CTNNA2: variants seen among roughly 807,000 people sequenced by gnomAD.
CTNNA2 encodes catenin alpha-2.
A neutral mutation model predicts 101.0 loss-of-function variants in CTNNA2; 42 were observed. The observed-to-expected ratio is 0.42, with a 90% CI of 0.32 to 0.54. CTNNA2 has a LOEUF of 0.54. Among genes scored for constraint, CTNNA2 ranks in the 20% least tolerant of loss-of-function variants. The pLI, the probability that CTNNA2 is intolerant of heterozygous loss-of-function variation, is 0.14. For missense variants in CTNNA2, 871 were observed against 1,223.1 expected (o/e 0.71, Z 4.29); for synonymous variants, 450 against 456.4 (o/e 0.99, Z 0.18).
chr2:79,935,473 G>T (rs1412093879), intron 7 of CTNNA2, among the ~76,000 whole-genome samples: 1 of 151,116 alleles, frequency 6.6e-6, no homozygotes, highest in African/African-American at 2.4e-5. Context: ...CCCTATTTTT[G>T]ACCCCACACT....
intron 7 of CTNNA2, among the ~76,000 whole-genome samples, chr2:80,275,478 T>A (rs1673829204): frequency 6.6e-6 from 1 of 152,236 alleles, no homozygotes. Context: ...ATGATTTTTT[T>A]ATTATTGCAG....
intron 7 of CTNNA2, among the ~76,000 whole-genome samples, chr2:80,218,326 A>G (rs1708388568): frequency 6.6e-6 from 1 of 152,238 alleles, no homozygotes; most frequent in Non-Finnish European, 1.5e-5. Context: ...TCAATCAACA[A>G]GGTGACAGCT....
chr2:79,678,765 T>G lies in CTNNA2; in HGVS notation c.102+27107T>G, dbSNP rs973815961. 2.0e-5 allele frequency among the ~76,000 whole-genome samples: 3 copies of G among 152,292 alleles called. No homozygotes were observed. The East Asian group carries it at 5.8e-4, about 29-fold the overall frequency. Reference sequence around the variant, plus strand: ...AGACAGAATTGTGGCCTCAGTGATCTTGGAGTCTCGTTGAATAGCATTCTC... The same window carrying G: ...AGACAGAATTGTGGCCTCAGTGATCGTGGAGTCTCGTTGAATAGCATTCTC... On this transcript the variant is annotated intron_variant, in intron 2 of 18. Coordinates refer to ENST00000402739, the MANE Select transcript of CTNNA2 (RefSeq NM_001282597.3).
intron 2 of CTNNA2, among the ~76,000 whole-genome samples, chr2:79,692,527 A>G (rs1684372336): frequency 1.3e-5 from 2 of 151,666 alleles, no homozygotes; most frequent in Non-Finnish European, 3.0e-5. Flanking sequence ...TGGGATTGGT[A>G]AATTACAAAG....
chr2:79,840,426 A>G (rs772192355), intron 3 of CTNNA2, among the ~76,000 whole-genome samples: 1 of 152,108 alleles, frequency 6.6e-6, no homozygotes, highest in Non-Finnish European at 1.5e-5. Context: ...CAATCATGCT[A>G]ATTTCTTTTT....
intron 7 of CTNNA2, among the ~76,000 whole-genome samples, chr2:80,037,681 T>C (rs1695758987): frequency 6.6e-6 from 1 of 152,170 alleles, no homozygotes; most frequent in African/African-American, 2.4e-5. Flanking sequence ...AGATAGTGTA[T>C]ATACAAAAAT....
chr2:80,499,633 G>T (rs1370171588), intron 9 of CTNNA2, among the ~76,000 whole-genome samples: 2 of 151,978 alleles, frequency 1.3e-5, no homozygotes, highest in Non-Finnish European at 2.9e-5. Flanking sequence ...GACCAGCCTG[G>T]CCAACACAGC....
chr2:80,315,422 T>G (rs2149236527), intron 7 of CTNNA2, among the ~76,000 whole-genome samples: 1 of 152,254 alleles, frequency 6.6e-6, no homozygotes, highest in East Asian at 1.9e-4. Flanking sequence ...ACTGGAAAAT[T>G]AGCAGAAGAC....
intron 7 of CTNNA2, among the ~76,000 whole-genome samples, chr2:80,008,129 C>A (rs575099295): frequency 1.3e-5 from 2 of 152,200 alleles, no homozygotes; most frequent in Non-Finnish European, 2.9e-5. Flanking sequence ...GTCCCAGGAA[C>A]AGATGGAAAA....
intron 9 of CTNNA2, among the ~76,000 whole-genome samples, chr2:80,523,759 A>G (rs1689782546): frequency 6.6e-6 from 1 of 152,188 alleles, no homozygotes; most frequent in African/African-American, 2.4e-5. Context: ...ATGGTCCCTG[A>G]CTTTGAAAAG....
intron 7 of CTNNA2, among the ~76,000 whole-genome samples, chr2:80,314,330 A>T (rs1677890754): frequency 6.6e-6 from 1 of 152,190 alleles, no homozygotes; most frequent in South Asian, 2.1e-4. Context: ...TAGTGAGCAA[A>T]TGATATTGTG....
At chr2:79,546,995 G>A (rs1033304955) in intron 1 of CTNNA2, among the ~76,000 whole-genome samples, 32 of 126,536 alleles carry the variant, frequency 2.5e-4, no homozygotes, top group African/African-American at 9.0e-4. Context: ...TGAAAAGAAC[G>A]CTTGATGTAC....
At chr2:79,926,986 A>G (rs1242555447) in intron 7 of CTNNA2, among the ~76,000 whole-genome samples, 2 of 152,128 alleles carry the variant, frequency 1.3e-5, no homozygotes, top group Non-Finnish European at 2.9e-5. Flanking sequence ...AGCTTGAAAT[A>G]TTTGAAAGGT....
intron 7 of CTNNA2, among the ~76,000 whole-genome samples, chr2:80,392,676 T>G (rs967060851): frequency 6.6e-6 from 1 of 152,174 alleles, no homozygotes; most frequent in Non-Finnish European, 1.5e-5. Flanking sequence ...TTCCACTACA[T>G]GACAGAGCAG....
chr2:79,205,911 T>C (rs530209100), intron 2 of CTNNA2, among the ~76,000 whole-genome samples: 12 of 152,302 alleles, frequency 7.9e-5, no homozygotes, highest in African/African-American at 1.2e-4. Context: ...TCTCAATATA[T>C]TTCCTGCACA....
chr2:79,376,962 T>G (rs1558652516), intron 4 of CTNNA2, among the ~76,000 whole-genome samples: 1 of 152,298 alleles, frequency 6.6e-6, no homozygotes, highest in East Asian at 1.9e-4. Context: ...GCGTGTGTCT[T>G]TATAGCAGCA....
At chr2:79,437,169 G>T (rs970474282) in intron 4 of CTNNA2, among the ~76,000 whole-genome samples, 1 of 151,854 alleles carries the variant, frequency 6.6e-6, no homozygotes, top group African/African-American at 2.4e-5. Flanking sequence ...GGGAGGCAGT[G>T]GTTGCAATGA....
chr2:79,577,517 G>A (rs1675871987), intron 1 of CTNNA2, among the ~76,000 whole-genome samples: 1 of 151,886 alleles, frequency 6.6e-6, no homozygotes, highest in Non-Finnish European at 1.5e-5. Context: ...ATTATTTCAG[G>A]CTTCAAAAAT....
intron 4 of CTNNA2, among the ~76,000 whole-genome samples, chr2:79,399,076 C>T (rs1377013550): frequency 6.6e-6 from 1 of 152,088 alleles, no homozygotes; most frequent in Non-Finnish European, 1.5e-5. Context: ...TATGACAGCT[C>T]ACTGTCTTTA....
Sources: gnomAD v4.1 joint callset for allele counts (sites outside exome capture counted in the v4.1 genomes callset) on GRCh38, gnomAD v4.1.1 for gene constraint, MANE v1.5 for transcripts, NCBI Gene and HGNC (gene_info 2026-07-23, HGNC 2026-07-21) for gene names.